The following RNF144A variants were observed in gnomAD, a reference collection of about 807,000 sequenced individuals.
RNF144A encodes the protein E3 ubiquitin-protein ligase RNF144A.
In RNF144A, 11 loss-of-function variants were observed where a neutral mutation model predicts 38.7. That is an observed-to-expected ratio of 0.28 (90% CI 0.18 to 0.47). The LOEUF (loss-of-function observed/expected upper bound fraction) is 0.47. Ranked by LOEUF, RNF144A falls within the 20% of genes least tolerant of loss-of-function variation. The probability of loss-of-function intolerance (pLI) is 0.99; values close to 1 mark genes in which losing one functional copy is unlikely to be tolerated. For synonymous variants in RNF144A, 149 were observed against 143.9 expected (o/e 1.04, Z -0.25); for missense variants, 316 against 377.2 (o/e 0.84, Z 1.34).
chr2:6,983,295 T>C (rs542175772), intron 2 of RNF144A, among the ~76,000 whole-genome samples: 1 of 152,320 alleles, frequency 6.6e-6, no homozygotes, highest in Admixed American at 6.5e-5. Flanking sequence ...GCTGTGTGTG[T>C]GCCCTGGGCC....
chr2:7,051,091 C>T (rs928540473), intron 6 of RNF144A, among the ~76,000 whole-genome samples: 1 of 152,224 alleles, frequency 6.6e-6, no homozygotes, highest in Non-Finnish European at 1.5e-5. Flanking sequence ...GATGATCACA[C>T]TCCACAGGTG....
At position 6,944,462 on chromosome 2, in the gene RNF144A, G is replaced by A. The variant is rs1390917624; in HGVS notation, c.-12+3315G>A. Among the ~76,000 whole-genome samples the A allele has an allele frequency of 6.6e-6, 1 of 152,054 alleles. No individual in the cohort carries two copies. Among genetic ancestry groups the A allele is most frequent in the African/African-American group, 2.4e-5 (1 of 41,398 alleles). ...TGGGAAGGCATTGCTAAGGTGTCAC[G>A]GTTGCATTTCCTGGCTGGGGCACTG... On this transcript the variant is annotated intron_variant, in intron 2 of 8. Transcript: ENST00000320892. This position sits in a 1 kb window ranked among gnomAD's most constrained non-coding sequence, Gnocchi z 4.7.
At position 7,042,563 on chromosome 2, in the gene RNF144A, C is replaced by G. The variant is rs1344849387; in HGVS notation, c.*2803C>G. 2 of 985,432 alleles carry G rather than the reference C, an allele frequency of 2.0e-6. No homozygotes were observed. The highest frequency in any genetic ancestry group is 2.4e-6 in the Non-Finnish European group (2 of 830,028). The allele number at this position is 985,432 out of a possible 1,614,324, so 61.0% of individuals were successfully genotyped here. On this transcript the variant is annotated 3_prime_UTR_variant, in exon 9 of 9. Transcript: ENST00000320892. The stretch of plus-strand genomic sequence containing the variant: ...GAGGACTGGCCTTAGCCCAGTGGAC[C>G]TGTGGCTTCTCTGAGGCCCTTGAGT...
At chr2:7,048,567 A>G (rs1428243340), downstream of RNF144A, among the ~76,000 whole-genome samples, 2 of 152,196 alleles carry the variant, frequency 1.3e-5, no homozygotes, top group African/African-American at 4.8e-5. Flanking sequence ...AGGATGGGCC[A>G]ACAGTGCTCA....
chr2:6,990,211 C>G (rs970002590), intron 2 of RNF144A, among the ~76,000 whole-genome samples: 4 of 152,094 alleles, frequency 2.6e-5, no homozygotes, highest in African/African-American at 9.6e-5. Context: ...GTGAGGACAT[C>G]CCCCTGGCTT....
In RNF144A at chr2:7,040,610, T is replaced by C. The variant is rs1022015879; in HGVS notation, c.*850T>C. 2 of 985,472 alleles carry C rather than the reference T, an allele frequency of 2.0e-6. No homozygotes were observed. The highest frequency in any genetic ancestry group is 1.2e-6 in the Non-Finnish European group (1 of 829,936). The allele number at this position is 985,472 out of a possible 1,614,324, so 61.0% of individuals were successfully genotyped here. A position where few individuals can be genotyped will look rare whatever the true frequency, so the allele number is the denominator to read the frequency against. On this transcript the variant is annotated 3_prime_UTR_variant, in exon 9 of 9. Transcript: ENST00000320892. The stretch of plus-strand genomic sequence containing the variant: ...CCAGGTAGCAGAAAACGCTTTTTAT[T>C]GTATTCAATCCCACTGCTTTGCTCG...
rs1673093192 is a variant in RNF144A at position 7,042,300 on chromosome 2, C to G, written c.*2540C>G. On this transcript the variant is annotated 3_prime_UTR_variant, in exon 9 of 9. Coordinates refer to ENST00000320892, the MANE Select transcript of RNF144A (RefSeq NM_014746.6). ...GCCCTGGGTTTGGACTTTGATCTTG[C>G]CATCATTCCCCAGTAAAACCTGGGG... The G allele has an allele frequency of 1.0e-6, 1 of 985,282 alleles. No homozygotes were observed. The highest frequency in any genetic ancestry group is 1.7e-5 in the African/African-American group (1 of 57,220). 61.0% of individuals were successfully genotyped at this position (985,282 alleles called of 1,614,324 possible).
intron 6 of RNF144A, among the ~76,000 whole-genome samples, chr2:7,056,913 G>C (rs1268773365): frequency 2.0e-5 from 3 of 152,186 alleles, no homozygotes; most frequent in African/African-American, 7.2e-5. Flanking sequence ...CTGTCTGCCT[G>C]GAACAGCATT....
intron 3 of RNF144A, among the ~76,000 whole-genome samples, chr2:7,013,454 CTAT>C (rs1446696602): frequency 5.9e-5 from 9 of 152,132 alleles, no homozygotes; most frequent in Non-Finnish European, 1.2e-4. Context: ...TGATTAATTG[CTAT>C]TATATTTTAA....
Position 6,941,646 on chromosome 2 carries a change from A to G in RNF144A, c.-12+499A>G, listed in dbSNP as rs992181417. On this transcript the variant is annotated intron_variant, in intron 2 of 8. Coordinates refer to ENST00000320892, the MANE Select transcript of RNF144A (RefSeq NM_014746.6). The surrounding 1 kb of genome is among the most constrained non-coding windows in gnomAD (Gnocchi z 6.5). ...GGAAGCAAATTATATACTATGCAAC[A>G]AGGCCTAGATATTGTAGAGAAAAGA... Among the ~76,000 whole-genome samples, 5 of 152,264 alleles carry G rather than the reference A, an allele frequency of 3.3e-5. No individual in the cohort carries two copies. Among genetic ancestry groups the G allele is most frequent in the African/African-American group, 1.2e-4 (5 of 41,466 alleles).
intron 6 of RNF144A, among the ~76,000 whole-genome samples, chr2:7,063,142 A>G (rs1232183866): frequency 1.3e-5 from 2 of 152,224 alleles, no homozygotes; most frequent in Non-Finnish European, 2.9e-5. Flanking sequence ...GTAAGAAATT[A>G]TGAAGCTCCT....
chr2:7,068,183 A>T, intron 6 of RNF144A: 2 of 1,114,946 alleles, frequency 1.8e-6, no homozygotes, highest in Non-Finnish European at 2.4e-6. Context: ...CTGTGCTTTA[A>T]CAAGTATCAG....
intron 3 of RNF144A, among the ~76,000 whole-genome samples, chr2:7,002,578 C>T (rs1293746637): frequency 6.6e-6 from 1 of 152,130 alleles, no homozygotes; most frequent in East Asian, 1.9e-4. Flanking sequence ...GAGGACTTTG[C>T]TAAGGTTTCT....
At chr2:6,919,097 G>A (rs943281785) in intron 1 of RNF144A, among the ~76,000 whole-genome samples, 1 of 151,896 alleles carries the variant, frequency 6.6e-6, no homozygotes, top group Non-Finnish European at 1.5e-5. Flanking sequence ...AGCTGTGGGA[G>A]CCCCCAGGAG....
At position 6,997,040 on chromosome 2, in the gene RNF144A, C is replaced by T. The variant is rs1412418940; in HGVS notation, c.114C>T (p.Cys38=). Residue 38 remains cysteine, a synonymous_variant, in exon 3 of 9, where the codon TGC becomes TGT. Transcript: ENST00000320892. ...PVEQMTTIAQ[C]QCIFCTLCLK... ...AGCAGATGACAACCATAGCCCAGTG[C>T]CAATGCATCTTCTGTACTCTGGTTG... 1 of 1,614,074 alleles carries T rather than the reference C, an allele frequency of 6.2e-7. No individual in the cohort carries two copies. The highest frequency in any genetic ancestry group is 8.5e-7 in the Non-Finnish European group (1 of 1,179,924).
intron 8 of RNF144A, among the ~76,000 whole-genome samples, chr2:7,034,235 G>C (rs1672514552): frequency 6.6e-6 from 1 of 151,454 alleles, no homozygotes; most frequent in Non-Finnish European, 1.5e-5. Context: ...TCGTGCCACT[G>C]CACTCCAGCC....
chr2:6,969,354 C>T (rs1185560043), intron 2 of RNF144A, among the ~76,000 whole-genome samples: 3 of 152,044 alleles, frequency 2.0e-5, no homozygotes, highest in Non-Finnish European at 4.4e-5. Flanking sequence ...GAAGGGGAAA[C>T]TGGGAGACAG....
chr2:6,946,683 A>G (rs1666364410), intron 2 of RNF144A, among the ~76,000 whole-genome samples: 1 of 152,196 alleles, frequency 6.6e-6, no homozygotes, highest in African/African-American at 2.4e-5. Context: ...TACAAATAAT[A>G]TTGACAAACA....
chr2:7,014,013 T>C (rs1024670772), intron 3 of RNF144A, among the ~76,000 whole-genome samples: 1 of 152,220 alleles, frequency 6.6e-6, no homozygotes, highest in Non-Finnish European at 1.5e-5. Flanking sequence ...AGTTTTCACA[T>C]ATGAAAAATG....
Sources: allele counts gnomAD v4.1 joint callset (sites outside exome capture counted in the v4.1 genomes callset), GRCh38; gene constraint gnomAD v4.1.1; non-coding constraint Gnocchi (gnomAD v3.1); transcripts MANE v1.5; gene names NCBI Gene and HGNC (gene_info 2026-07-23, HGNC 2026-07-21).